The following SOD2 variants were observed in gnomAD, a reference collection of about 807,000 sequenced individuals.
SOD2 encodes the protein superoxide dismutase [Mn], mitochondrial.
Under a neutral mutation model 27.0 loss-of-function variants are expected in SOD2, and 11 were observed. The observed-to-expected ratio is 0.41, with a 90% confidence interval of 0.26 to 0.67. The LOEUF (loss-of-function observed/expected upper bound fraction) is 0.67, where lower values mean the gene tolerates loss of function less well. Among genes scored for constraint, SOD2 ranks in the 30% least tolerant of loss-of-function variants. SOD2 has a pLI of 0.34. For missense variants in SOD2, 250 were observed against 274.5 expected (o/e 0.91, Z 0.63); for synonymous variants, 105 against 103.0 (o/e 1.02, Z -0.12).
At chr6:159,731,530 A>G (rs148497199), upstream of SOD2, among the ~76,000 whole-genome samples, 957 of 152,342 alleles carry the variant, frequency 6.3e-3, 11 homozygotes, top group African/African-American at 0.022. Flanking sequence ...AATATTGGAG[A>G]TGCCAAAGAA....
upstream of SOD2, chr6:159,727,399 G>GGGAGGCA (rs1414126216): frequency 1.7e-6 from 2 of 1,202,814 alleles, no homozygotes; most frequent in Non-Finnish European, 1.1e-6. Context: ...GGCGGGAGGC[G>GGGAGGCA]GGAGGCAGTG....
chr6:159,749,458 A>G, upstream of SOD2: 3 of 979,088 alleles, frequency 3.1e-6, no homozygotes, highest in Non-Finnish European at 3.6e-6. Context: ...AAAGAATATT[A>G]TGATGATTTT....
intron 1 of SOD2, among the ~76,000 whole-genome samples, chr6:159,751,556 G>A (rs1245672613): frequency 6.6e-6 from 1 of 152,208 alleles, no homozygotes; most frequent in Non-Finnish European, 1.5e-5. Context: ...TGAGAGTGCT[G>A]ATGGGAAATG....
At chr6:159,731,685 G>A (rs907611927), upstream of SOD2, among the ~76,000 whole-genome samples, 3 of 152,078 alleles carry the variant, frequency 2.0e-5, no homozygotes, top group South Asian at 6.2e-4. Context: ...CCCATTTTGT[G>A]CCAGTTACCA....
At chr6:159,688,381 A>AC (rs796951388) in intron 2 of SOD2, 139 bp from the exon 3 acceptor site, 464 of 587,610 alleles carry the variant, frequency 7.9e-4, no homozygotes, top group Admixed American at 3.1e-4. Flanking sequence ...AAAATTCAGC[A>AC]CCCCCCCGCC....
intron 1 of SOD2, among the ~76,000 whole-genome samples, chr6:159,723,283 T>C (rs965857118): frequency 1.3e-5 from 2 of 152,216 alleles, no homozygotes; most frequent in East Asian, 3.8e-4. Flanking sequence ...ACACAGAACA[T>C]TTCCATCACC....
chr6:159,710,716 C>T lies in SOD2; in HGVS notation c.-116+16413G>A, dbSNP rs374246958. Among the ~76,000 whole-genome samples the T allele has an allele frequency of 3.4e-4, 52 of 151,812 alleles. No homozygotes were observed. The South Asian group carries it at 0.01, about 30-fold the overall frequency. ...CTGATCACCCTAACCACCTCCATAA[C>T]CACCAGTCACACTGCTCTGACCACC... is the stretch of plus-strand genomic sequence containing the variant. On this transcript the variant is annotated intron_variant, in intron 1 of 2. Transcript: ENST00000401980.
chr6:159,715,044 T>C (rs1777900502), intron 1 of SOD2, among the ~76,000 whole-genome samples: 1 of 151,942 alleles, frequency 6.6e-6, no homozygotes, highest in Admixed American at 6.6e-5. Context: ...ATATTCAGGA[T>C]TTTTAGCCAT....
chr6:159,734,204 G>A (rs1031535793), intron 1 of SOD2, among the ~76,000 whole-genome samples: 2 of 151,986 alleles, frequency 1.3e-5, no homozygotes, highest in African/African-American at 4.8e-5. Flanking sequence ...ATGAGAGACA[G>A]GGTCTTACCA....
chr6:159,752,898 T>C (rs1419464274), intron 1 of SOD2, among the ~76,000 whole-genome samples: 1 of 152,236 alleles, frequency 6.6e-6, no homozygotes, highest in Non-Finnish European at 1.5e-5. Flanking sequence ...TGTGCCTGGC[T>C]ACTTTTTAAA....
chr6:159,743,902 T>C (rs1779408330), intron 1 of SOD2: 1 of 1,170,536 alleles, frequency 8.5e-7, no homozygotes, highest in South Asian at 2.3e-5. Context: ...GCTTATCTTT[T>C]ATAGGTACGT....
rs1259820498 is a variant in SOD2 at position 159,672,884 on chromosome 6, A to G, written c.*9609T>C. On this transcript the variant is annotated 3_prime_UTR_variant, in exon 5 of 5. Coordinates refer to ENST00000538183, the MANE Select transcript of SOD2 (RefSeq NM_000636.4). ...AGAGACACACACACATAGGCTCAAA[A>G]TAAAAGGATGGAGGAAGATCTACCA... The G allele has an allele frequency of 6.6e-6, 1 of 152,140 alleles. No homozygotes were observed. Among genetic ancestry groups the G allele is most frequent in the Non-Finnish European group, 1.5e-5 (1 of 68,036 alleles). 9.4% of individuals were successfully genotyped at this position (152,140 alleles called of 1,614,324 possible). A position where few individuals can be genotyped will look rare whatever the true frequency, so the allele number is the denominator to read the frequency against.
chr6:159,682,428 A>C lies in SOD2; in HGVS notation c.*65T>G. 7.1e-7 allele frequency: 1 copy of C among 1,404,872 alleles called. No homozygotes were observed. The highest frequency in any genetic ancestry group is 9.7e-7 in the Non-Finnish European group (1 of 1,029,672). 87.0% of individuals were successfully genotyped at this position (1,404,872 alleles called of 1,614,324 possible). ...AATAGAGCAGCTTACTGTATTCTGC[A>C]GTACTCTATACCACTACAAAAACAG... On this transcript the variant is annotated 3_prime_UTR_variant, in exon 5 of 5. Coordinates refer to ENST00000538183, the MANE Select transcript of SOD2 (RefSeq NM_000636.4).
chr6:159,732,560 C>T (rs2842971), intron 1 of SOD2, among the ~76,000 whole-genome samples: 69,241 of 152,020 alleles, frequency 0.46, 17,931 homozygotes, highest in Non-Finnish European at 0.58. Context: ...ATTGGCCGGG[C>T]GCAGTAGCTT....
chr6:159,717,840 A>G (rs896217527), intron 1 of SOD2, among the ~76,000 whole-genome samples: 1 of 150,396 alleles, frequency 6.6e-6, no homozygotes, highest in African/African-American at 2.5e-5. Context: ...GGCTTATTTC[A>G]CTTAATATAA....
chr6:159,711,594 C>T (rs1302503368), intron 1 of SOD2, among the ~76,000 whole-genome samples: 3 of 89,538 alleles, frequency 3.4e-5, no homozygotes. Flanking sequence ...CTCTGACCAC[C>T]ATAACCACCT....
chr6:159,692,382 T>C (rs931061956), intron 2 of SOD2: 4 of 1,325,742 alleles, frequency 3.0e-6, no homozygotes, highest in Non-Finnish European at 2.9e-6. Context: ...GTGCTGGCAA[T>C]ATGTGTAACG....
chr6:159,735,199 C>T lies in SOD2; in HGVS notation c.-116+9931G>A, dbSNP rs575737547. 1.6e-4 allele frequency among the ~76,000 whole-genome samples: 24 copies of T among 152,280 alleles called. No individual in the cohort carries two copies. In the South Asian group the frequency reaches 3.5e-3, roughly 22 times the overall value. ...TGTTGCCCAGGCTGGAATGCAGTGG[C>T]GCGCCATCTCGGCTCACTGCAACCT... On this transcript the variant is annotated intron_variant, in intron 1 of 3. Coordinates refer to the SOD2 transcript ENST00000537657.
At position 159,673,440 on chromosome 6, in the gene SOD2, A is replaced by C. The variant is rs1779710589; in HGVS notation, c.*9053T>G. The C allele has an allele frequency of 6.6e-6, 1 of 152,234 alleles. No individual in the cohort carries two copies. The highest frequency in any genetic ancestry group is 2.4e-5 in the African/African-American group (1 of 41,464). 9.4% of individuals were successfully genotyped at this position (152,234 alleles called of 1,614,324 possible). On this transcript the variant is annotated 3_prime_UTR_variant, in exon 5 of 5. Coordinates refer to ENST00000538183, the MANE Select transcript of SOD2 (RefSeq NM_000636.4). ...ATCAAACTAGAACTCAGGATTAAGA[A>C]ACTCACTCAAAACCACTCAGCTACA...
Sources: gnomAD v4.1 joint callset for allele counts (sites outside exome capture counted in the v4.1 genomes callset) on GRCh38, gnomAD v4.1.1 for gene constraint, MANE v1.5 for transcripts, NCBI Gene and HGNC (gene_info 2026-07-23, HGNC 2026-07-21) for gene names.